Variants in NTN1 observed in about 807,000 individuals in gnomAD.
The protein encoded by NTN1 is netrin-1.
A neutral mutation model predicts 54.2 loss-of-function variants in NTN1; 11 were observed. That is an observed-to-expected ratio of 0.20 (90% confidence interval 0.13 to 0.34). The LOEUF (loss-of-function observed/expected upper bound fraction) is 0.34. Among genes scored for constraint, NTN1 ranks in the 10% least tolerant of loss-of-function variants. NTN1 has a pLI of 1.00. For synonymous variants in NTN1, 371 were observed against 382.0 expected (o/e 0.97, Z 0.33); for missense variants, 740 against 893.1 (o/e 0.83, Z 2.18).
Position 9,146,615 on chromosome 17 carries a change from CTTTAGACACACCCTGGGG to C in NTN1, c.1019-16197_1019-16180del, listed in dbSNP as rs1464027697. ...GGGTCTTTAGACACACCCTGGGGGT[CTTTAGACACACCCTGGGG>C]CTCCTGGCAGCCATGCCCTCTGGGT... is the stretch of plus-strand genomic sequence containing the variant. On this transcript the variant is annotated intron_variant, in intron 2 of 6. Transcript: ENST00000173229. 3.1e-3 allele frequency among the ~76,000 whole-genome samples: 469 copies of C among 150,062 alleles called. 5 individuals carry two copies. Among genetic ancestry groups the C allele is most frequent in the African/African-American group, 0.011 (436 of 39,474 alleles).
chr17:9,041,497 A>G (rs1019284222), intron 2 of NTN1, among the ~76,000 whole-genome samples: 16 of 152,196 alleles, frequency 1.1e-4, no homozygotes, highest in African/African-American at 3.9e-4. Context: ...TTCATGGTTC[A>G]TCCATGTTAT....
In NTN1 at chr17:9,165,432, C is replaced by T. The variant is rs2092370780; in HGVS notation, c.1207+2431C>T. On this transcript the variant is annotated intron_variant, in intron 3 of 6. Transcript: ENST00000173229. This position sits in a 1 kb window ranked among gnomAD's most constrained non-coding sequence, Gnocchi z 4.5. Reference sequence around the variant, plus strand: ...CTTCCTTTACTGGTTTGTAGGAGGGCCAGATGCAAATAAATGAGGATGTGT... The same window carrying T: ...CTTCCTTTACTGGTTTGTAGGAGGGTCAGATGCAAATAAATGAGGATGTGT... 2.6e-5 allele frequency among the ~76,000 whole-genome samples: 4 copies of T among 152,166 alleles called. No homozygotes were observed. The highest frequency in any genetic ancestry group is 2.6e-4 in the Admixed American group (4 of 15,268).
At chr17:9,115,958 G>A (rs1179466612) in intron 2 of NTN1, among the ~76,000 whole-genome samples, 3 of 152,270 alleles carry the variant, frequency 2.0e-5, no homozygotes, top group Non-Finnish European at 4.4e-5. Context: ...AGCCGAAGGG[G>A]CGGAGGCCCC....
At chr17:9,019,132 A>T (rs989645735), upstream of NTN1, among the ~76,000 whole-genome samples, 1 of 152,214 alleles carries the variant, frequency 6.6e-6, no homozygotes, top group African/African-American at 2.4e-5. Context: ...TCCAGGGTGC[A>T]TTGGACCTGT....
upstream of NTN1, among the ~76,000 whole-genome samples, chr17:9,020,734 C>T (rs554670465): frequency 6.6e-6 from 1 of 152,322 alleles, no homozygotes; most frequent in East Asian, 1.9e-4. Context: ...GAGGGCTGGG[C>T]TGTCCCCATG....
intron 2 of NTN1, among the ~76,000 whole-genome samples, chr17:9,052,414 T>G (rs1567698958): frequency 1.3e-5 from 2 of 152,208 alleles, no homozygotes; most frequent in Non-Finnish European, 2.9e-5. Context: ...AACACATATG[T>G]GCACAAAAAG....
intron 2 of NTN1, among the ~76,000 whole-genome samples, chr17:9,156,101 T>A (rs1028606048): frequency 1.3e-5 from 2 of 152,174 alleles, no homozygotes; most frequent in Non-Finnish European, 2.9e-5. Context: ...ATTTTTGCCA[T>A]GTCCCAACCT....
chr17:9,213,626 T>A (rs1230185402), intron 5 of NTN1, among the ~76,000 whole-genome samples: 1 of 152,244 alleles, frequency 6.6e-6, no homozygotes, highest in Non-Finnish European at 1.5e-5. Flanking sequence ...CTGAATCATA[T>A]AAAACTGCTT....
intron 2 of NTN1, among the ~76,000 whole-genome samples, chr17:9,028,051 G>A (rs906578868): frequency 4.6e-5 from 7 of 151,908 alleles, no homozygotes; most frequent in Admixed American, 4.6e-4. Context: ...CTTGAACCTG[G>A]GAGGCGGAGG....
chr17:9,221,066 G>C lies in NTN1; in HGVS notation c.1412-102G>C, dbSNP rs1026012806. ...CCGGCCTGGCCCATGGGTATCACAG[G>C]CCTCTGGCTATTTAGGGAGGCGGCC... On this transcript the variant is annotated intron_variant, in intron 5 of 6. Coordinates refer to ENST00000173229, the MANE Select transcript of NTN1 (RefSeq NM_004822.3). This position sits in a 1 kb window ranked among gnomAD's most constrained non-coding sequence, Gnocchi z 4.5. 1 of 871,156 alleles carries C rather than the reference G, an allele frequency of 1.1e-6. No individual in the cohort carries two copies. Among genetic ancestry groups the C allele is most frequent in the Non-Finnish European group, 2.0e-6 (1 of 509,760 alleles). The allele number at this position is 871,156 out of a possible 1,614,324, so 54.0% of individuals were successfully genotyped here.
rs1424354946 is a variant in NTN1 at position 9,221,945 on chromosome 17, G to C, written c.1486+703G>C. ...GCCAGCGGGCAGGTGTGTGTGAAGA[G>C]CTGGGGCTGGTGGCAGGGGCTCTTC... On this transcript the variant is annotated intron_variant, in intron 6 of 6. Transcript: ENST00000173229. This position sits in a 1 kb window ranked among gnomAD's most constrained non-coding sequence, Gnocchi z 4.5. Among the ~76,000 whole-genome samples the C allele has an allele frequency of 6.6e-6, 1 of 152,230 alleles. No homozygotes were observed.
chr17:9,185,577 C>G (rs370017405), intron 5 of NTN1, among the ~76,000 whole-genome samples: 10 of 151,466 alleles, frequency 6.6e-5, no homozygotes, highest in African/African-American at 2.2e-4. Flanking sequence ...AGGTGAGGAA[C>G]GTAGTGTCTG....
chr17:9,020,096 C>T (rs2091840856), upstream of NTN1, among the ~76,000 whole-genome samples: 1 of 152,178 alleles, frequency 6.6e-6, no homozygotes, highest in Admixed American at 6.5e-5. Flanking sequence ...AGGCCTTCTT[C>T]CAAGGAGACG....
chr17:9,023,096 G>A lies in NTN1; in HGVS notation c.723G>A (p.Trp241Ter). The change falls in exon 2 of 7, where the codon TGG becomes TGA. Residue 241 changes from tryptophan to a stop codon, truncating the protein, a stop_gained. Coordinates refer to ENST00000173229, the MANE Select transcript of NTN1 (RefSeq NM_004822.3). LOFTEE classifies it high-confidence loss of function. ...ACAACTCGCCCGTGCTGCAGGACTG[G>A]GTCACGGCCACAGACATCCGCGTGG... ...DFDNSPVLQD[W>*]VTATDIRVAF... 1 of 1,569,548 alleles carries A rather than the reference G, an allele frequency of 6.4e-7. No homozygotes were observed. Among genetic ancestry groups the A allele is most frequent in the Non-Finnish European group, 8.6e-7 (1 of 1,158,334 alleles).
intron 2 of NTN1, among the ~76,000 whole-genome samples, chr17:9,025,397 C>T (rs984971455): frequency 3.9e-5 from 6 of 152,026 alleles, no homozygotes; most frequent in South Asian, 2.1e-4. Flanking sequence ...AACATATTAA[C>T]GAATGTAATT....
At chr17:9,152,622 G>T (rs899320616) in intron 2 of NTN1, among the ~76,000 whole-genome samples, 2 of 152,136 alleles carry the variant, frequency 1.3e-5, no homozygotes, top group Non-Finnish European at 2.9e-5. Flanking sequence ...TCTTCACAGC[G>T]TCATTACCTA....
chr17:9,183,096 T>C, intron 5 of NTN1, 127 bp downstream of exon 5: 1 of 941,590 alleles, frequency 1.1e-6, no homozygotes, highest in Admixed American at 1.9e-5. Flanking sequence ...CTGCTCCGTA[T>C]GAGTGGCATC....
intron 2 of NTN1, among the ~76,000 whole-genome samples, chr17:9,074,229 G>A (rs1359239949): frequency 1.3e-5 from 2 of 152,246 alleles, no homozygotes; most frequent in South Asian, 2.1e-4. Context: ...AAGACGGCGT[G>A]TAAGCTCAGC....
intron 3 of NTN1, among the ~76,000 whole-genome samples, chr17:9,178,244 G>A (rs2092406734): frequency 6.6e-6 from 1 of 152,198 alleles, no homozygotes; most frequent in Admixed American, 6.5e-5. Context: ...ATAAGAAGCA[G>A]CAGCAAGACT....
Sources: gnomAD v4.1 joint callset for allele counts (sites outside exome capture counted in the v4.1 genomes callset) on GRCh38, gnomAD v4.1.1 for gene constraint, Gnocchi (gnomAD v3.1) non-coding constraint, MANE v1.5 for transcripts, NCBI Gene and HGNC (gene_info 2026-07-23, HGNC 2026-07-21) for gene names.